The following PCDHGA1 variants were observed in gnomAD, a reference collection of about 807,000 sequenced individuals.
PCDHGA1 encodes the protein protocadherin gamma-A1.
A neutral mutation model predicts 58.0 loss-of-function variants in PCDHGA1; 32 were observed. That is an observed-to-expected ratio of 0.55 (90% CI 0.42 to 0.74). PCDHGA1 has a LOEUF of 0.74. Ranked by LOEUF, PCDHGA1 falls within the 30% of genes least tolerant of loss-of-function variation. PCDHGA1 has a pLI of 0.00. For missense variants in PCDHGA1, 1,205 were observed against 1,182.3 expected (o/e 1.02, Z -0.28); for synonymous variants, 498 against 501.1 (o/e 0.99, Z 0.08).
At chr5:141,364,857 T>C (rs1243069537) in intron 1 of PCDHGA1, 1 of 1,614,008 alleles carries the variant, frequency 6.2e-7, no homozygotes, top group South Asian at 1.1e-5. Context: ...AGCTCCAATC[T>C]GCACTTCTCT....
intron 1 of PCDHGA1, chr5:141,479,468 T>C (rs1473966646): frequency 1.3e-5 from 2 of 152,248 alleles, no homozygotes; most frequent in African/African-American, 4.8e-5. Context: ...TACAGTGACC[T>C]CTTGGGAGGG....
chr5:141,341,659 G>A, intron 1 of PCDHGA1: 1 of 657,236 alleles, frequency 1.5e-6, no homozygotes, highest in Non-Finnish European at 2.5e-6. Context: ...AGGAACTAGG[G>A]TGTCTGGTTT....
At chr5:141,478,467 G>T (rs2099457769) in intron 1 of PCDHGA1, 1 of 1,613,656 alleles carries the variant, frequency 6.2e-7, no homozygotes, top group South Asian at 1.1e-5. Flanking sequence ...CCACTGGCCA[G>T]CCGCCAGAAC....
intron 1 of PCDHGA1, chr5:141,408,253 A>G (rs749487100): frequency 3.4e-4 from 550 of 1,599,220 alleles, no homozygotes; most frequent in Non-Finnish European, 4.4e-4. Flanking sequence ...GGCAGGTGCT[A>G]TTTCCTTTGC....
chr5:141,351,207 A>G, intron 1 of PCDHGA1: 2 of 1,614,036 alleles, frequency 1.2e-6, no homozygotes, highest in Non-Finnish European at 1.7e-6. Flanking sequence ...TTGAGTGTGG[A>G]AGCTAAGGAT....
intron 1 of PCDHGA1, chr5:141,374,067 T>A: frequency 1.3e-6 from 2 of 1,500,346 alleles, no homozygotes; most frequent in Non-Finnish European, 1.8e-6. Context: ...CCCAGAGAAG[T>A]TCCTAATAAG....
At chr5:141,374,177 C>T in intron 1 of PCDHGA1, 4 of 1,613,578 alleles carry the variant, frequency 2.5e-6, no homozygotes, top group Non-Finnish European at 3.4e-6. Context: ...AGCGCAGATC[C>T]GCTACTCTAT....
Position 141,389,889 on chromosome 5 carries a change from G to A in PCDHGA1, c.2421+56784G>A. ...GGTCTTCGCCGACAGCTTGCAGGAG[G>A]TGCTGCCGGATATCACTGACCGCCC... On this transcript the variant is annotated intron_variant, in intron 1 of 3. Transcript: ENST00000517417. 1.9e-6 allele frequency: 3 copies of A among 1,614,086 alleles called. No homozygotes were observed. Among genetic ancestry groups the A allele is most frequent in the Admixed American group, 1.7e-5 (1 of 60,034 alleles).
At chr5:141,394,874 G>C in intron 1 of PCDHGA1, 3 of 1,613,814 alleles carry the variant, frequency 1.9e-6, no homozygotes, top group South Asian at 1.1e-5. Context: ...CGAACGATTC[G>C]AGCCTTACAC....
At chr5:141,440,696 A>G (rs2098194818) in intron 1 of PCDHGA1, 1 of 152,210 alleles carries the variant, frequency 6.6e-6, no homozygotes, top group Non-Finnish European at 1.5e-5. Flanking sequence ...AAAGTGACCA[A>G]CAGTGGAAAG....
chr5:141,414,052 T>C, intron 1 of PCDHGA1: 1 of 1,610,346 alleles, frequency 6.2e-7, no homozygotes, highest in Non-Finnish European at 8.5e-7. Flanking sequence ...TGACACGCAA[T>C]TGTTGAAGTT....
At chr5:141,460,546 C>A (rs182506898) in intron 1 of PCDHGA1, among the ~76,000 whole-genome samples, 51 of 152,152 alleles carry the variant, frequency 3.4e-4, no homozygotes, top group African/African-American at 1.1e-3. Context: ...GCACCTTAAT[C>A]AAAAATCATT....
At chr5:141,380,140 T>C (rs1776247193) in intron 1 of PCDHGA1, among the ~76,000 whole-genome samples, 1 of 151,998 alleles carries the variant, frequency 6.6e-6, no homozygotes, top group Non-Finnish European at 1.5e-5. Context: ...CCTTAAGTGA[T>C]CCACCCGCCT....
intron 1 of PCDHGA1, among the ~76,000 whole-genome samples, chr5:141,468,797 C>T (rs191599825): frequency 0.01 from 1,525 of 151,876 alleles, 28 homozygotes; most frequent in African/African-American, 0.035. Flanking sequence ...ACCCGGGAGG[C>T]GGAACTTGCA....
intron 1 of PCDHGA1, chr5:141,351,145 CG>C: frequency 6.2e-7 from 1 of 1,613,972 alleles, no homozygotes; most frequent in African/African-American, 1.3e-5. Flanking sequence ...CAAATACTGG[CG>C]ACATCACAAC....
At chr5:141,392,879 G>A in intron 1 of PCDHGA1, 2 of 1,613,512 alleles carry the variant, frequency 1.2e-6, no homozygotes, top group South Asian at 1.1e-5. Flanking sequence ...TGCTGGGAAC[G>A]CTGTGGGAAA....
At chr5:141,423,424 T>C in intron 1 of PCDHGA1, 1 of 1,614,004 alleles carries the variant, frequency 6.2e-7, no homozygotes, top group Non-Finnish European at 8.5e-7. Flanking sequence ...TGAAGGCGGG[T>C]TGGCAGGTAT....
In PCDHGA1 at chr5:141,476,504, G is replaced by A; in HGVS notation, c.2422-18303G>A. On this transcript the variant is annotated intron_variant, in intron 1 of 3. Coordinates refer to ENST00000517417, the MANE Select transcript of PCDHGA1 (RefSeq NM_018912.3). This position sits in a 1 kb window ranked among gnomAD's most constrained non-coding sequence, Gnocchi z 7.6. ...GGAAGTGGTGATCCAGGACATCAAC[G>A]ACAACAATCCTGCTTTCCCTACCCA... The A allele has an allele frequency of 6.2e-7, 1 of 1,614,098 alleles. No individual in the cohort carries two copies. The highest frequency in any genetic ancestry group is 2.2e-5 in the East Asian group (1 of 44,854).
intron 1 of PCDHGA1, among the ~76,000 whole-genome samples, chr5:141,445,554 C>T (rs898901856): frequency 3.3e-5 from 5 of 152,102 alleles, no homozygotes; most frequent in African/African-American, 1.2e-4. Context: ...TACAAAAGCA[C>T]TAAGAGAAAG....
Sources: allele counts gnomAD v4.1 joint callset (sites outside exome capture counted in the v4.1 genomes callset), GRCh38; gene constraint gnomAD v4.1.1; non-coding constraint Gnocchi (gnomAD v3.1); transcripts MANE v1.5; gene names NCBI Gene and HGNC (gene_info 2026-07-23, HGNC 2026-07-21).